WFDC1: variants seen among roughly 807,000 people sequenced by gnomAD.
The protein encoded by WFDC1 is WAP four-disulfide core domain protein 1.
In WFDC1, 39 loss-of-function variants were observed where a neutral mutation model predicts 32.9. The ratio of observed to expected loss-of-function variants is 1.19; its 90% CI spans 0.92 to 1.55. The LOEUF (loss-of-function observed/expected upper bound fraction) is 1.55, where lower values mean the gene tolerates loss of function less well. Ranked by LOEUF, WFDC1 falls within the 40% of genes most tolerant of loss-of-function variation. The probability of loss-of-function intolerance (pLI) is 0.00; values close to 1 mark genes in which losing one functional copy is unlikely to be tolerated. For missense variants in WFDC1, 386 were observed against 309.5 expected, an observed-to-expected ratio of 1.25 and a Z score of -1.85; for synonymous variants, 184 against 137.4, an observed-to-expected ratio of 1.34 and a Z score of -2.37.
chr16:84,306,222 C>T (rs1907248006), intron 1 of WFDC1, among the ~76,000 whole-genome samples: 1 of 152,072 alleles, frequency 6.6e-6, no homozygotes, highest in Non-Finnish European at 1.5e-5. Context: ...GATCGCACAG[C>T]CATGGGGTTC....
chr16:84,302,836 G>A (rs571688484), intron 1 of WFDC1, among the ~76,000 whole-genome samples: 6 of 152,220 alleles, frequency 3.9e-5, no homozygotes, highest in East Asian at 1.9e-4. Flanking sequence ...CCAGCCCAGC[G>A]CCCGAAACCC....
At chr16:84,310,998 C>A (rs57794449) in intron 1 of WFDC1, among the ~76,000 whole-genome samples, 6,932 of 152,154 alleles carry the variant, frequency 0.046, 453 homozygotes, top group African/African-American at 0.15. Flanking sequence ...GCAGCGCAAG[C>A]CAGGGTGGTT....
chr16:84,299,386 CA>C (rs113709567), intron 1 of WFDC1, among the ~76,000 whole-genome samples: 113 of 129,418 alleles, frequency 8.7e-4, no homozygotes, highest in African/African-American at 7.6e-4. Flanking sequence ...AAACAAAAAG[CA>C]AAAAAAAAAA....
intron 1 of WFDC1, among the ~76,000 whole-genome samples, chr16:84,296,242 G>A (rs920509309): frequency 7.9e-5 from 12 of 152,260 alleles, no homozygotes; most frequent in Admixed American, 1.3e-4. Context: ...CAAGCTGGCA[G>A]TGCATCTTGG....
chr16:84,322,381 G>A (rs1908360470), intron 4 of WFDC1, among the ~76,000 whole-genome samples: 1 of 152,094 alleles, frequency 6.6e-6, no homozygotes, highest in Non-Finnish European at 1.5e-5. Flanking sequence ...GGGGAAGGGT[G>A]GCCCCCTTGT....
In WFDC1 at chr16:84,313,030, A is replaced by G. The variant is rs2151375345; in HGVS notation, c.214A>G (p.Thr72Ala). The stretch of plus-strand genomic sequence containing the variant: ...AGACCGCTGCCCGCCGCCTCCGCGG[A>G]CGCTGCCCCCCGGCGCCTGCCAGGC... ...RADRCPPPPRTLPPGACQAAR... is the reference protein window; with the variant it reads ...RADRCPPPPRALPPGACQAAR... Residue 72 changes from threonine (T) to alanine (A), a missense_variant, in exon 2 of 7, where the codon ACG becomes GCG. Coordinates refer to ENST00000219454, the MANE Select transcript of WFDC1 (RefSeq NM_021197.4). 3.0e-6 allele frequency: 4 copies of G among 1,340,844 alleles called. No homozygotes were observed. The highest frequency in any genetic ancestry group is 3.8e-6 in the Non-Finnish European group (4 of 1,047,730). 83.1% of individuals were successfully genotyped at this position (1,340,844 alleles called of 1,614,324 possible).
At chr16:84,318,759 T>A in intron 3 of WFDC1, 1 of 230,672 alleles carries the variant, frequency 4.3e-6, no homozygotes, top group Non-Finnish European at 8.9e-6. Flanking sequence ...GTCGGGGGCC[T>A]GGAGGCCTAG....
chr16:84,305,253 G>T (rs1354428066), intron 1 of WFDC1, among the ~76,000 whole-genome samples: 4 of 152,250 alleles, frequency 2.6e-5, no homozygotes, highest in Non-Finnish European at 5.9e-5. Flanking sequence ...TAAGCCTGGT[G>T]TCTGTGTATG....
intron 4 of WFDC1, among the ~76,000 whole-genome samples, 159 bp downstream of exon 4, chr16:84,319,730 T>C (rs905807486): frequency 6.6e-6 from 1 of 152,106 alleles, no homozygotes; most frequent in African/African-American, 2.4e-5. Flanking sequence ...GGCTCCTTCT[T>C]TCATGGCCCC....
At chr16:84,324,781 G>A (rs758980400) in intron 5 of WFDC1, among the ~76,000 whole-genome samples, 31 of 151,860 alleles carry the variant, frequency 2.0e-4, no homozygotes, top group Middle Eastern at 3.2e-3. Flanking sequence ...ATCATCCATT[G>A]ATCCATCCAT....
intron 5 of WFDC1, 199 bp from the exon 6 acceptor site, chr16:84,326,683 T>C (rs1048489452): frequency 1.2e-5 from 7 of 587,646 alleles, no homozygotes; most frequent in South Asian, 2.0e-5. Flanking sequence ...ACCAGAAACA[T>C]AGACAGAGCT....
intron 1 of WFDC1, among the ~76,000 whole-genome samples, chr16:84,312,457 T>G (rs575200660): frequency 1.3e-5 from 2 of 152,294 alleles, no homozygotes; most frequent in African/African-American, 4.8e-5. Context: ...TTTTCTGAGA[T>G]GTAGCGATGT....
intron 1 of WFDC1, among the ~76,000 whole-genome samples, chr16:84,309,856 G>GT (rs1907508451): frequency 8.5e-6 from 1 of 117,594 alleles, no homozygotes; most frequent in Admixed American, 8.9e-5. Context: ...TGTGTGTGTG[G>GT]GGGGGGCGTG....
rs1401368528 is a variant in WFDC1, at chr16:84,326,885, G to A, written c.608G>A (p.Gly203Asp). The change falls in exon 6 of 7, where the codon GGT (glycine) becomes GAT (aspartate). Residue 203 changes from glycine to aspartate, a missense_variant. Physicochemically the swap from Gly to Asp is moderately conservative, Grantham distance 94. Coordinates refer to ENST00000219454, the MANE Select transcript of WFDC1 (RefSeq NM_021197.4). ...RHKLYKEYPE[G>D]DSKNVAEPGR... The stretch of plus-strand genomic sequence containing the variant: ...CAGAGCTGTGTTCTTTTCACAGAAG[G>A]TGACTCAAAGAATGTGGCAGAACCT... 1.9e-6 allele frequency: 3 copies of A among 1,614,042 alleles called. No homozygotes were observed. Among genetic ancestry groups the A allele is most frequent in the East Asian group, 2.2e-5 (1 of 44,838 alleles).
At chr16:84,303,068 T>C (rs1458742170) in intron 1 of WFDC1, among the ~76,000 whole-genome samples, 2 of 151,308 alleles carry the variant, frequency 1.3e-5, no homozygotes, top group Admixed American at 1.3e-4. Flanking sequence ...CCATTAACCT[T>C]GTGCCAAATT....
intron 5 of WFDC1, chr16:84,325,940 A>C (rs1208977767): frequency 6.6e-6 from 1 of 150,648 alleles, no homozygotes; most frequent in Non-Finnish European, 1.5e-5. Flanking sequence ...CCATTCATAC[A>C]TCCATCCATC....
rs149974145 is a variant in WFDC1, at chr16:84,321,668, G to A, written c.562+2097G>A. ...AGACAGAGCTAAGCAAAGAGGGTCA[G>A]TCATTCAGTGGTGACCACACCAGTG... is the stretch of plus-strand genomic sequence containing the variant. On this transcript the variant is annotated intron_variant, in intron 4 of 6. Coordinates refer to ENST00000219454, the MANE Select transcript of WFDC1 (RefSeq NM_021197.4). Among the ~76,000 whole-genome samples the A allele has an allele frequency of 2.7e-3, 410 of 152,342 alleles. 2 individuals carry two copies. The highest frequency in any genetic ancestry group is 9.2e-3 in the African/African-American group (383 of 41,576).
chr16:84,313,255 C>T, intron 2 of WFDC1, 102 bp downstream of exon 2: 1 of 1,173,016 alleles, frequency 8.5e-7, no homozygotes, highest in Non-Finnish European at 1.1e-6. Flanking sequence ...GCTGGGCCAC[C>T]TGGGCGGGTC....
intron 2 of WFDC1, among the ~76,000 whole-genome samples, chr16:84,314,163 C>T (rs1907814710): frequency 6.6e-6 from 1 of 152,188 alleles, no homozygotes; most frequent in East Asian, 1.9e-4. Flanking sequence ...TGTTGAATCA[C>T]GATGCCAACC....
Sources: allele counts gnomAD v4.1 joint callset (sites outside exome capture counted in the v4.1 genomes callset), GRCh38; gene constraint gnomAD v4.1.1; transcripts MANE v1.5; gene names NCBI Gene and HGNC (gene_info 2026-07-23, HGNC 2026-07-21).